HIF1A: variants seen among roughly 807,000 people sequenced by gnomAD.
HIF1A encodes the protein hypoxia inducible factor 1 subunit alpha.
HIF1A carries 24 observed loss-of-function variants against 92.7 expected under a neutral mutation model. The observed-to-expected ratio is 0.26, with a 90% CI of 0.19 to 0.36. The LOEUF is 0.36. Among genes scored for constraint, HIF1A ranks in the 10% least tolerant of loss-of-function variants. HIF1A has a pLI of 1.00. For missense variants in HIF1A, 799 were observed against 998.5 expected, an observed-to-expected ratio of 0.80 and a Z score of 2.69; for synonymous variants, 319 against 338.7, an observed-to-expected ratio of 0.94 and a Z score of 0.64.
At chr14:61,703,601 C>T (rs1157424894) in intron 1 of HIF1A, among the ~76,000 whole-genome samples, 1 of 151,540 alleles carries the variant, frequency 6.6e-6, no homozygotes, top group Non-Finnish European at 1.5e-5. Flanking sequence ...CCCATACCTG[C>T]ATCCATACAG....
At chr14:61,726,957 T>C (rs2044513445) in intron 5 of HIF1A, 139 bp downstream of exon 5, 1 of 535,474 alleles carries the variant, frequency 1.9e-6, no homozygotes, top group Non-Finnish European at 3.3e-6. Flanking sequence ...CTTCAACTCA[T>C]TTGCATGTGA....
At chr14:61,724,349 T>TC (rs1555338397) in intron 4 of HIF1A, among the ~76,000 whole-genome samples, 12 of 96,096 alleles carry the variant, frequency 1.2e-4, no homozygotes, top group Non-Finnish European at 1.7e-4. Context: ...CACACACACA[T>TC]TCTCTCTCTC....
In HIF1A at chr14:61,745,913, T is replaced by C. The variant is rs139834596; in HGVS notation, c.2329+96T>C. ...TAATCTAAGTGAGAATGACTTTGGT[T>C]CCTTAGCAAGATTAAAAAGTAAAGT... On this transcript the variant is annotated intron_variant, in intron 14 of 14. Transcript: ENST00000337138. 112 of 1,154,034 alleles carry C rather than the reference T, an allele frequency of 9.7e-5. No homozygotes were observed. In the African/African-American group the frequency reaches 1.4e-3, roughly 14 times the overall value. The allele number at this position is 1,154,034 out of a possible 1,614,324, so 71.5% of individuals were successfully genotyped here. A position where few individuals can be genotyped will look rare whatever the true frequency, so the allele number is the denominator to read the frequency against.
At chr14:61,727,850 T>C (rs2044525126) in intron 6 of HIF1A, among the ~76,000 whole-genome samples, 195 bp downstream of exon 6, 1 of 151,880 alleles carries the variant, frequency 6.6e-6, no homozygotes, top group African/African-American at 2.4e-5. Context: ...GCCAATGTGG[T>C]GAAACCCCAT....
rs949926162 is a variant in HIF1A, at chr14:61,695,743, G to GC, written c.-61dup. On this transcript the variant is annotated 5_prime_UTR_variant, in exon 1 of 15. Coordinates refer to ENST00000337138, the MANE Select transcript of HIF1A (RefSeq NM_001530.4). ...TTCTCCGCGTGTGGAGGGAGCCAGCGCTTAGGCCGGAGCGAGCCTGGGGGC... is the reference window on the plus strand; with the variant it reads ...TTCTCCGCGTGTGGAGGGAGCCAGCGCCTTAGGCCGGAGCGAGCCTGGGGGC... 9.2e-5 allele frequency: 142 copies of GC among 1,546,510 alleles called. No individual in the cohort carries two copies. Among genetic ancestry groups the GC allele is most frequent in the Non-Finnish European group, 1.2e-4 (140 of 1,141,514 alleles).
chr14:61,736,833 C>A (rs1448648502), intron 8 of HIF1A, 56 bp from the exon 9 acceptor site: 2 of 1,197,132 alleles, frequency 1.7e-6, no homozygotes, highest in African/African-American at 1.5e-5. Flanking sequence ...AGTCTCCCTT[C>A]CCCTCACTGT....
chr14:61,740,426 A>T, intron 10 of HIF1A, 79 bp from the exon 11 acceptor site: 1 of 1,054,666 alleles, frequency 9.5e-7, no homozygotes, highest in Non-Finnish European at 1.4e-6. Flanking sequence ...TTTTTCTGAG[A>T]TCTAGTTTGA....
intron 1 of HIF1A, among the ~76,000 whole-genome samples, chr14:61,720,120 G>T (rs1424069761): frequency 2.0e-5 from 3 of 152,180 alleles, no homozygotes; most frequent in African/African-American, 7.2e-5. Context: ...ATATGCTGGG[G>T]AGGAAACACC....
At chr14:61,728,019 CAAAA>C (rs61241012) in intron 6 of HIF1A, among the ~76,000 whole-genome samples, 7 of 143,318 alleles carry the variant, frequency 4.9e-5, no homozygotes, top group Non-Finnish European at 7.6e-5. Flanking sequence ...ACTCCCATTT[CAAAA>C]AAAAAAAAAA....
intron 1 of HIF1A, chr14:61,698,103 C>T (rs1252207965): frequency 2.3e-6 from 1 of 429,822 alleles, no homozygotes; most frequent in African/African-American, 2.0e-5. Flanking sequence ...AGGCTTCAGG[C>T]CAGACTCCTT....
At chr14:61,717,855 T>TTTTTTTTTG (rs144996749) in intron 1 of HIF1A, among the ~76,000 whole-genome samples, 146 of 151,940 alleles carry the variant, frequency 9.6e-4, no homozygotes, top group Admixed American at 2.2e-3. Context: ...AACCTGTCTG[T>TTTTTTTTTG]ACTAAAAATA....
chr14:61,709,457 C>T (rs1397975260), intron 1 of HIF1A, among the ~76,000 whole-genome samples: 2 of 152,064 alleles, frequency 1.3e-5, no homozygotes, highest in Non-Finnish European at 2.9e-5. Context: ...TCAGAAGGAA[C>T]CCTCCAATGT....
At chr14:61,729,904 T>C (rs898361732) in intron 6 of HIF1A, among the ~76,000 whole-genome samples, 2 of 152,286 alleles carry the variant, frequency 1.3e-5, no homozygotes, top group Non-Finnish European at 2.9e-5. Flanking sequence ...TAGAGCTCTT[T>C]CCAGGAACTT....
intron 5 of HIF1A, 32 bp from the exon 6 acceptor site, chr14:61,727,421 T>C (rs1307764494): frequency 2.1e-6 from 3 of 1,450,000 alleles, no homozygotes; most frequent in African/African-American, 1.4e-5. Flanking sequence ...ATTGTAAATA[T>C]TTTTTTTAAC....
At chr14:61,746,233 A>G (rs2044785275) in intron 14 of HIF1A, among the ~76,000 whole-genome samples, 1 of 151,466 alleles carries the variant, frequency 6.6e-6, no homozygotes, top group African/African-American at 2.4e-5. Context: ...TCAAAAAAAA[A>G]AAAAAAAAAA....
chr14:61,705,342 T>A (rs2044227532), intron 1 of HIF1A, among the ~76,000 whole-genome samples: 2 of 152,176 alleles, frequency 1.3e-5, no homozygotes, highest in Non-Finnish European at 2.9e-5. Context: ...GCCTTTTCTT[T>A]TTTTACAATG....
chr14:61,720,725 CTA>C (rs1434940424), intron 2 of HIF1A, among the ~76,000 whole-genome samples, 153 bp downstream of exon 2: 3 of 151,286 alleles, frequency 2.0e-5, no homozygotes, highest in African/African-American at 4.9e-5. Flanking sequence ...GTAATTCTCA[CTA>C]TTTTTATCAA....
Position 61,732,519 on chromosome 14 carries a change from A to G in HIF1A, c.875A>G (p.His292Arg). Residue 292 changes from histidine to arginine, a missense_variant, in exon 7 of 15, where the codon CAT (histidine) becomes CGT (arginine). His to Arg is a conservative substitution (Grantham distance 29). Coordinates refer to ENST00000337138, the MANE Select transcript of HIF1A (RefSeq NM_001530.4). ...LDSDHLTKTH[H>R]DMFTKGQVTT... ...TCTGATCATCTGACCAAAACTCATC[A>G]TGATAGTAAGTACAATGGAAGAACT... 1 of 1,555,466 alleles carries G rather than the reference A, an allele frequency of 6.4e-7. No homozygotes were observed. The highest frequency in any genetic ancestry group is 1.1e-5 in the South Asian group (1 of 89,800).
intron 6 of HIF1A, 142 bp downstream of exon 6, chr14:61,727,797 C>T (rs1034444217): frequency 1.8e-5 from 12 of 648,956 alleles, no homozygotes; most frequent in East Asian, 2.8e-5. Flanking sequence ...CTGAGGCAAG[C>T]GGGGGGTGGA....
Sources: gnomAD v4.1 joint callset for allele counts (sites outside exome capture counted in the v4.1 genomes callset) on GRCh38, gnomAD v4.1.1 for gene constraint, MANE v1.5 for transcripts, NCBI Gene and HGNC (gene_info 2026-07-23, HGNC 2026-07-21) for gene names.